The following LAMA4 variants were observed in gnomAD, a reference collection of about 807,000 sequenced individuals.
The protein encoded by LAMA4 is laminin subunit alpha 4, also known as laminin subunit alpha-4.
A neutral mutation model predicts 207.1 loss-of-function variants in LAMA4; 127 were observed. That is an observed-to-expected ratio of 0.61 (90% CI 0.53 to 0.71). The LOEUF (loss-of-function observed/expected upper bound fraction) is 0.71. Among genes scored for constraint, LAMA4 ranks in the 30% least tolerant of loss-of-function variants. The pLI is 0.00. For missense variants in LAMA4, 2,093 were observed against 2,246.5 expected (o/e 0.93, Z 1.38); for synonymous variants, 761 against 816.0 (o/e 0.93, Z 1.15).
At chr6:112,231,277 G>A (rs1785545450) in intron 2 of LAMA4, among the ~76,000 whole-genome samples, 1 of 152,150 alleles carries the variant, frequency 6.6e-6, no homozygotes, top group Non-Finnish European at 1.5e-5. Context: ...GAATGCAGGT[G>A]ATGGATGGGG....
At chr6:112,248,372 G>A (rs1206369565) in intron 2 of LAMA4, among the ~76,000 whole-genome samples, 4 of 151,834 alleles carry the variant, frequency 2.6e-5, no homozygotes, top group African/African-American at 4.8e-5. Flanking sequence ...GGTGGCACAC[G>A]CTTGTAGTCC....
intron 36 of LAMA4, among the ~76,000 whole-genome samples, chr6:112,115,342 A>C (rs1777954260): frequency 6.6e-6 from 1 of 152,210 alleles, no homozygotes; most frequent in Non-Finnish European, 1.5e-5. Flanking sequence ...ATCAATGAAA[A>C]TATACTTTTT....
intron 15 of LAMA4, chr6:112,155,287 G>T (rs1416612662): frequency 1.8e-6 from 1 of 559,992 alleles, no homozygotes; most frequent in African/African-American, 1.9e-5. Flanking sequence ...CTATCAGCAA[G>T]AACTAATTTT....
At chr6:112,233,614 C>T (rs1210422457) in intron 2 of LAMA4, among the ~76,000 whole-genome samples, 1 of 152,020 alleles carries the variant, frequency 6.6e-6, no homozygotes, top group Non-Finnish European at 1.5e-5. Context: ...TAGGGAAGAG[C>T]GGGAATCAAA....
chr6:112,135,333 T>C (rs1311245268), intron 25 of LAMA4, among the ~76,000 whole-genome samples: 2 of 152,194 alleles, frequency 1.3e-5, no homozygotes, highest in East Asian at 1.9e-4. Flanking sequence ...AGGTGCCTTC[T>C]GGAATCTAGA....
intron 16 of LAMA4, among the ~76,000 whole-genome samples, chr6:112,151,897 T>C (rs1780425875): frequency 6.6e-6 from 1 of 152,160 alleles, no homozygotes. Flanking sequence ...TTTTTCTGCA[T>C]GTAGTGAGAT....
Position 112,178,188 on chromosome 6 carries a change from G to A in LAMA4, c.1122C>T (p.Ser374=). 6.2e-7 allele frequency: 1 copy of A among 1,613,938 alleles called. No individual in the cohort carries two copies. Among genetic ancestry groups the A allele is most frequent in the Non-Finnish European group, 8.5e-7 (1 of 1,179,848 alleles). Residue 374 remains serine, a synonymous_variant, in exon 10 of 39, where the codon AGC becomes AGT. Coordinates refer to ENST00000230538, the MANE Select transcript of LAMA4 (RefSeq NM_001105206.3). ...SRKGQLVQKE[S]MDTINHASQL... ...GACTTGCGTGGTTAATGGTGTCCATGCTTTCCTTCTGAACAAGTTGTCCTT... is the reference window on the plus strand; with the variant it reads ...GACTTGCGTGGTTAATGGTGTCCATACTTTCCTTCTGAACAAGTTGTCCTT...
intron 27 of LAMA4, 76 bp downstream of exon 27, chr6:112,133,273 T>C (rs1779147898): frequency 1.3e-6 from 2 of 1,513,978 alleles, no homozygotes; most frequent in African/African-American, 1.4e-5. Flanking sequence ...AGAGAGAAGC[T>C]GAAAAGAACT....
At chr6:112,177,574 A>G (rs959508533) in intron 10 of LAMA4, among the ~76,000 whole-genome samples, 26 of 152,218 alleles carry the variant, frequency 1.7e-4, no homozygotes, top group African/African-American at 6.3e-4. Flanking sequence ...AAATTAAGCA[A>G]ACCTCCAAGA....
At chr6:112,139,368 TC>T (rs1288954476) in intron 23 of LAMA4, 77 bp from the exon 24 acceptor site, 2 of 1,422,976 alleles carry the variant, frequency 1.4e-6, no homozygotes, top group African/African-American at 2.8e-5. Context: ...TTTAACCCAT[TC>T]TTCTAACATC....
chr6:112,227,220 G>A (rs935081365), intron 2 of LAMA4, among the ~76,000 whole-genome samples: 7 of 152,022 alleles, frequency 4.6e-5, no homozygotes, highest in African/African-American at 1.7e-4. Context: ...ACAGGCACCT[G>A]CCACCATGCC....
intron 15 of LAMA4, chr6:112,155,248 A>G: frequency 1.8e-6 from 1 of 561,750 alleles, no homozygotes; most frequent in South Asian, 2.2e-5. Context: ...AGTTGAAAAA[A>G]ATATAAATGA....
At chr6:112,226,338 G>A (rs1386272755) in intron 2 of LAMA4, among the ~76,000 whole-genome samples, 1 of 152,014 alleles carries the variant, frequency 6.6e-6, no homozygotes, top group Non-Finnish European at 1.5e-5. Context: ...GATCAACCTT[G>A]GCTCCCTCTG....
chr6:112,167,318 C>T (rs1554340307), intron 12 of LAMA4, among the ~76,000 whole-genome samples: 1 of 152,178 alleles, frequency 6.6e-6, no homozygotes, highest in East Asian at 1.9e-4. Flanking sequence ...AACAGAATTG[C>T]TTGAACCCAG....
At chr6:112,181,593 C>G (rs1782360162) in intron 9 of LAMA4, among the ~76,000 whole-genome samples, 1 of 152,172 alleles carries the variant, frequency 6.6e-6, no homozygotes, top group Admixed American at 6.5e-5. Context: ...ATATACAGGC[C>G]AATACTCACC....
Position 112,129,056 on chromosome 6 carries a change from CCTCCACAT to C in LAMA4, c.4145_4152del (p.Asp1382GlyfsTer2). 6.2e-7 allele frequency: 1 copy of C among 1,612,262 alleles called. No individual in the cohort carries two copies. Among genetic ancestry groups the C allele is most frequent in the Non-Finnish European group, 8.5e-7 (1 of 1,178,494 alleles). The stretch of plus-strand genomic sequence containing the variant: ...TCAGTATACCGTTGGAAATCTTCAA[CCTCCACAT>C]CTCTATCCACCCTGTGTTTGTAACA... On this transcript the variant is annotated frameshift_variant, in exon 31 of 39. Coordinates refer to ENST00000230538, the MANE Select transcript of LAMA4 (RefSeq NM_001105206.3). LOFTEE classifies it high-confidence loss of function.
rs974537755 is a variant in LAMA4 at position 112,141,258 on chromosome 6, A to T, written c.2813+100T>A. The T allele has an allele frequency of 1.5e-5, 17 of 1,107,806 alleles. No individual in the cohort carries two copies. The Admixed American group carries it at 2.9e-4, about 19-fold the overall frequency. 68.6% of individuals were successfully genotyped at this position (1,107,806 alleles called of 1,614,324 possible). On this transcript the variant is annotated intron_variant, in intron 21 of 38. Transcript: ENST00000230538. ...AAATGCTATTTATAACATCCACAGG[A>T]AGACTGTGTATGTGTGTGTGTGTGT...
intron 4 of LAMA4, among the ~76,000 whole-genome samples, chr6:112,205,721 T>C (rs1784019170): frequency 6.6e-6 from 1 of 152,104 alleles, no homozygotes; most frequent in African/African-American, 2.4e-5. Context: ...GACCCCTGGA[T>C]ACCTTGAGAG....
intron 2 of LAMA4, among the ~76,000 whole-genome samples, chr6:112,222,405 A>G (rs1410012833): frequency 6.6e-6 from 1 of 152,210 alleles, no homozygotes; most frequent in African/African-American, 2.4e-5. Context: ...GGTTTCCCCT[A>G]CTTGGCCTAG....
Sources: gnomAD v4.1 joint callset for allele counts (sites outside exome capture counted in the v4.1 genomes callset) on GRCh38, gnomAD v4.1.1 for gene constraint, MANE v1.5 for transcripts, NCBI Gene and HGNC (gene_info 2026-07-23, HGNC 2026-07-21) for gene names.